The following ABL2 variants were observed in gnomAD, a reference collection of about 807,000 sequenced individuals.
ABL2 encodes ABL proto-oncogene 2, non-receptor tyrosine kinase, also known as tyrosine-protein kinase ABL2.
In ABL2, 49 loss-of-function variants were observed where a neutral mutation model predicts 107.7. The observed-to-expected ratio is 0.45, with a 90% CI of 0.36 to 0.58. ABL2 has a LOEUF of 0.58. Ranked by LOEUF, ABL2 falls within the 20% of genes least tolerant of loss-of-function variation. The probability of loss-of-function intolerance (pLI) is 0.00; values close to 1 mark genes in which losing one functional copy is unlikely to be tolerated. For missense variants in ABL2, 1,245 were observed against 1,457.0 expected, an observed-to-expected ratio of 0.85 and a Z score of 2.37; for synonymous variants, 549 against 548.6, an observed-to-expected ratio of 1.00 and a Z score of -0.01.
Position 179,126,778 on chromosome 1 carries a change from T to A in ABL2, c.392-106A>T. 8.5e-7 allele frequency: 1 copy of A among 1,170,596 alleles called. No individual in the cohort carries two copies. The highest frequency in any genetic ancestry group is 1.2e-6 in the Non-Finnish European group (1 of 860,532). 72.5% of individuals were successfully genotyped at this position (1,170,596 alleles called of 1,614,324 possible). A position where few individuals can be genotyped will look rare whatever the true frequency, so the allele number is the denominator to read the frequency against. On this transcript the variant is annotated intron_variant, in intron 3 of 11. Transcript: ENST00000502732. This position sits in a 1 kb window ranked among gnomAD's most constrained non-coding sequence, Gnocchi z 4.4. Reference sequence around the variant, plus strand: ...AACTCATTAAAAAAAAAAAAGAATCTAGAACTTTTATGCCAAATTTTTTTT... The same window carrying A: ...AACTCATTAAAAAAAAAAAAGAATCAAGAACTTTTATGCCAAATTTTTTTT...
At position 179,118,778 on chromosome 1, in the gene ABL2, A is replaced by C. The variant is rs767329994; in HGVS notation, c.1046-14T>G. The C allele has an allele frequency of 1.2e-6, 2 of 1,611,946 alleles. No homozygotes were observed. The highest frequency in any genetic ancestry group is 1.7e-6 in the Non-Finnish European group (2 of 1,178,696). ...AAGTACACACACCTAAAAGTTGAAC[A>C]ATAGTGCTTGTTTTTATTAGTGTAC... On this transcript the variant is annotated splice_polypyrimidine_tract_variant and intron_variant, in intron 6 of 11. Transcript: ENST00000502732.
chr1:179,117,252 G>A (rs770962772), intron 8 of ABL2, 80 bp downstream of exon 8: 55 of 1,402,502 alleles, frequency 3.9e-5, no homozygotes, highest in Non-Finnish European at 4.6e-5. Context: ...ACTGAACATC[G>A]TAAGAGAAGC....
intron 1 of ABL2, among the ~76,000 whole-genome samples, chr1:179,214,219 G>A (rs1662437774): frequency 6.6e-6 from 1 of 151,916 alleles, no homozygotes; most frequent in Non-Finnish European, 1.5e-5. Context: ...GATCTGCCTG[G>A]ACTGGCAAAG....
rs1189266393 is a variant in ABL2 at position 179,116,973 on chromosome 1, G to C, written c.1408+359C>G. ...TCAGCCTTCAGCCTCTTGAATAGCT[G>C]GGATTACTGGCGCATGCCACCACGC... On this transcript the variant is annotated intron_variant, in intron 8 of 11. Transcript: ENST00000502732. 3 of 306,772 alleles carry C rather than the reference G, an allele frequency of 9.8e-6. No individual in the cohort carries two copies. In the East Asian group the frequency reaches 2.4e-4, roughly 25 times the overall value. 19.0% of individuals were successfully genotyped at this position (306,772 alleles called of 1,614,324 possible).
In ABL2 at chr1:179,110,368, C is replaced by T. The variant is rs567232644; in HGVS notation, c.1739G>A (p.Arg580Gln). Residue 580 changes from arginine to glutamine, a missense_variant, in exon 11 of 12, where the codon CGG becomes CAG. Physicochemically the swap from Arg to Gln is conservative, Grantham distance 43. This residue lies in a region of ABL2 where 761 missense variants were observed against 766.4 expected (regional missense o/e 0.99). Transcript: ENST00000502732. ...PRLPILPSKT[R>Q]TLKKQVENKE... ...GTTCTCCACCTGTTTCTTCAGTGTC[C>T]GAGTCTTGGAAGGAAGTATAGGTAG... 26 of 1,614,084 alleles carry T rather than the reference C, an allele frequency of 1.6e-5. No individual in the cohort carries two copies. The Admixed American group carries it at 2.2e-4, about 13-fold the overall frequency.
At chr1:179,198,333 G>C (rs1201367166) in intron 1 of ABL2, among the ~76,000 whole-genome samples, 2 of 152,032 alleles carry the variant, frequency 1.3e-5, no homozygotes, top group Non-Finnish European at 2.9e-5. Context: ...CATGAGAGTT[G>C]TTTGTGCTAT....
Position 179,101,088 on chromosome 1 carries a change from T to A in ABL2, c.*6630A>T. The A allele has an allele frequency of 4.3e-6, 1 of 231,550 alleles. No homozygotes were observed. Among genetic ancestry groups the A allele is most frequent in the East Asian group, 6.1e-5 (1 of 16,368 alleles). 14.3% of individuals were successfully genotyped at this position (231,550 alleles called of 1,614,324 possible). On this transcript the variant is annotated 3_prime_UTR_variant, in exon 12 of 12. Coordinates refer to ENST00000502732, the MANE Select transcript of ABL2 (RefSeq NM_007314.4). ...GATGGAGGATCTGGCCACTGCCATCTGAGAAGCTCGTGTCTACCAGCTCTA... is the reference window on the plus strand; with the variant it reads ...GATGGAGGATCTGGCCACTGCCATCAGAGAAGCTCGTGTCTACCAGCTCTA...
At chr1:179,110,838 T>A (rs372297330) in intron 10 of ABL2, 1 of 1,614,054 alleles carries the variant, frequency 6.2e-7, no homozygotes, top group South Asian at 1.1e-5. Context: ...TGGCACAATG[T>A]AGGAGAACTG....
chr1:179,108,436 G>C lies in ABL2; in HGVS notation c.2831C>G (p.Ala944Gly), dbSNP rs1215342549. The change falls in exon 12 of 12, where the codon GCT becomes GGT. Residue 944 changes from alanine to glycine, a missense_variant. By Grantham distance (60) the Ala-to-Gly change is moderately conservative (BLOSUM62 0). Around this residue, in one of 3 missense-constraint regions of ABL2, gnomAD observed 761 missense variants for 766.4 expected, o/e 0.99. Transcript: ENST00000502732. Reference protein sequence around the residue: ...LISPTLKHTPADVQLIGTDSQ... With the variant: ...LISPTLKHTPGDVQLIGTDSQ... ...GTCTGTGCCAATGAGCTGCACGTCA[G>C]CTGGAGTGTGTTTCAGAGTGGGTGA... 6.2e-7 allele frequency: 1 copy of C among 1,614,104 alleles called. No homozygotes were observed. The highest frequency in any genetic ancestry group is 8.5e-7 in the Non-Finnish European group (1 of 1,180,050).
At chr1:179,113,251 C>T (rs1654281244) in intron 9 of ABL2, among the ~76,000 whole-genome samples, 1 of 152,178 alleles carries the variant, frequency 6.6e-6, no homozygotes, top group Non-Finnish European at 1.5e-5. Flanking sequence ...TCGATTTAGC[C>T]TCAGCTCCTA....
At chr1:179,193,795 G>A (rs987523784) in intron 1 of ABL2, among the ~76,000 whole-genome samples, 1 of 151,988 alleles carries the variant, frequency 6.6e-6, no homozygotes, top group Non-Finnish European at 1.5e-5. Flanking sequence ...GCAATGGCGC[G>A]ATCTCGGCTC....
In ABL2 at chr1:179,108,228, C is replaced by T. The variant is rs755779947; in HGVS notation, c.3039G>A (p.Gln1013=). ...TEEPTALTAG[Q]STSETQEGGK... ...CTCCTTCCTGTGTTTCTGATGTGGA[C>T]TGTCCTGCAGTTAGGGCAGTTGGCT... is the stretch of plus-strand genomic sequence containing the variant. The change falls in exon 12 of 12, where the codon CAG becomes CAA. Residue 1013 remains glutamine (Q), a synonymous_variant. Coordinates refer to ENST00000502732, the MANE Select transcript of ABL2 (RefSeq NM_007314.4). 23 of 1,613,934 alleles carry T rather than the reference C, an allele frequency of 1.4e-5. No individual in the cohort carries two copies. The highest frequency in any genetic ancestry group is 1.8e-5 in the Non-Finnish European group (21 of 1,180,036).
chr1:179,124,974 C>A (rs901205702), intron 4 of ABL2, among the ~76,000 whole-genome samples: 2 of 152,176 alleles, frequency 1.3e-5, no homozygotes, highest in Non-Finnish European at 2.9e-5. Context: ...TACCTCATAT[C>A]TATTAGGAGT....
chr1:179,165,767 C>G (rs1659338514), intron 1 of ABL2, among the ~76,000 whole-genome samples: 1 of 151,346 alleles, frequency 6.6e-6, no homozygotes, highest in Non-Finnish European at 1.5e-5. Context: ...TGTTCTACCT[C>G]AGTATATAAT....
chr1:179,134,940 C>T (rs1233168236), intron 1 of ABL2, among the ~76,000 whole-genome samples: 5 of 152,340 alleles, frequency 3.3e-5, no homozygotes, highest in South Asian at 2.1e-4. Flanking sequence ...CTGTGTTGGC[C>T]GCGCTGGTCT....
intron 1 of ABL2, among the ~76,000 whole-genome samples, chr1:179,167,615 G>T (rs889650629): frequency 9.2e-5 from 14 of 152,216 alleles, no homozygotes; most frequent in Middle Eastern, 6.8e-3. Context: ...CAAGGTGATG[G>T]ACACCCCAAA....
At chr1:179,185,396 T>A (rs189205911) in intron 1 of ABL2, among the ~76,000 whole-genome samples, 1 of 152,292 alleles carries the variant, frequency 6.6e-6, no homozygotes, top group East Asian at 1.9e-4. Flanking sequence ...AAACCTGTAG[T>A]ATCTTATGTG....
intron 1 of ABL2, among the ~76,000 whole-genome samples, chr1:179,180,427 G>A (rs1381239970): frequency 6.6e-6 from 1 of 152,208 alleles, no homozygotes; most frequent in Non-Finnish European, 1.5e-5. Flanking sequence ...GGTTCTAGAG[G>A]AGAGGAAGGA....
At chr1:179,172,068 A>G (rs756092737) in intron 1 of ABL2, among the ~76,000 whole-genome samples, 14 of 152,246 alleles carry the variant, frequency 9.2e-5, no homozygotes, top group Non-Finnish European at 2.1e-4. Context: ...CTAGAGCCCA[A>G]AATAATTCAT....
Sources: allele counts gnomAD v4.1 joint callset (sites outside exome capture counted in the v4.1 genomes callset), GRCh38; gene constraint gnomAD v4.1.1; regional missense constraint gnomAD v4.1.1; non-coding constraint Gnocchi (gnomAD v3.1); transcripts MANE v1.5; gene names NCBI Gene and HGNC (gene_info 2026-07-23, HGNC 2026-07-21).